Variants in PCDHGA12 observed in about 807,000 individuals in gnomAD.
The protein encoded by PCDHGA12 is protocadherin gamma-A12.
PCDHGA12 carries 43 observed loss-of-function variants against 61.1 expected under a neutral mutation model. That is an observed-to-expected ratio of 0.70 (90% confidence interval 0.55 to 0.91). The LOEUF is 0.91. Ranked by LOEUF, PCDHGA12 falls within the 40% of genes least tolerant of loss-of-function variation. The probability of loss-of-function intolerance (pLI) is 0.00; values close to 1 mark genes in which losing one functional copy is unlikely to be tolerated. For missense variants in PCDHGA12, 1,236 were observed against 1,227.7 expected (o/e 1.01, Z -0.10); for synonymous variants, 520 against 542.9 (o/e 0.96, Z 0.59).
intron 1 of PCDHGA12, among the ~76,000 whole-genome samples, chr5:141,492,084 G>C (rs979755390): frequency 2.0e-5 from 3 of 152,236 alleles, no homozygotes; most frequent in African/African-American, 7.2e-5. Flanking sequence ...GCTCCGGCAC[G>C]CTTCGCCGGT....
At chr5:141,457,736 T>G (rs1265562501) in intron 1 of PCDHGA12, among the ~76,000 whole-genome samples, 1 of 152,254 alleles carries the variant, frequency 6.6e-6, no homozygotes, top group African/African-American at 2.4e-5. Flanking sequence ...AGATTAGACT[T>G]TTAAAGCTGA....
At chr5:141,459,930 T>C (rs1385764489) in intron 1 of PCDHGA12, among the ~76,000 whole-genome samples, 1 of 152,176 alleles carries the variant, frequency 6.6e-6, no homozygotes, top group East Asian at 1.9e-4. Context: ...TATATCCTTG[T>C]AGCTGGGCGT....
intron 1 of PCDHGA12, among the ~76,000 whole-genome samples, chr5:141,437,434 G>T (rs183505868): frequency 2.6e-5 from 4 of 152,194 alleles, no homozygotes; most frequent in East Asian, 3.8e-4. Context: ...AGCAGCAATA[G>T]CATAGGAATG....
At chr5:141,462,203 G>T (rs544238255) in intron 1 of PCDHGA12, among the ~76,000 whole-genome samples, 2 of 152,036 alleles carry the variant, frequency 1.3e-5, no homozygotes, top group African/African-American at 4.8e-5. Flanking sequence ...CAGGTGATCC[G>T]CCTGCCTCGG....
intron 1 of PCDHGA12, among the ~76,000 whole-genome samples, chr5:141,443,008 T>C (rs2098358096): frequency 1.3e-5 from 2 of 152,220 alleles, no homozygotes; most frequent in Admixed American, 1.3e-4. Context: ...TCTAAGAATA[T>C]GACTAATGGA....
chr5:141,502,750 A>G (rs974131144), intron 2 of PCDHGA12, among the ~76,000 whole-genome samples: 3 of 151,928 alleles, frequency 2.0e-5, no homozygotes, highest in Non-Finnish European at 4.4e-5. Context: ...TTCCTTCTAC[A>G]TGTATTTGCT....
chr5:141,483,814 C>A (rs1262593892), intron 1 of PCDHGA12, among the ~76,000 whole-genome samples: 4 of 151,994 alleles, frequency 2.6e-5, no homozygotes, highest in African/African-American at 9.7e-5. Flanking sequence ...TTTTTGGCAG[C>A]CAGTGTAACC....
chr5:141,441,656 C>A, intron 1 of PCDHGA12: 1 of 247,684 alleles, frequency 4.0e-6, no homozygotes, highest in Non-Finnish European at 8.1e-6. Flanking sequence ...TCTAGGTGTC[C>A]TTGAGCGCAC....
intron 1 of PCDHGA12, among the ~76,000 whole-genome samples, chr5:141,434,490 G>A (rs566645029): frequency 2.5e-4 from 38 of 152,274 alleles, no homozygotes; most frequent in Non-Finnish European, 4.9e-4. Flanking sequence ...CACCTGGCCC[G>A]CCCAGGGCAG....
intron 2 of PCDHGA12, among the ~76,000 whole-genome samples, chr5:141,499,298 C>A (rs1239333151): frequency 6.6e-6 from 1 of 152,210 alleles, no homozygotes; most frequent in African/African-American, 2.4e-5. Context: ...ACACTACCAT[C>A]CCTCCTCTGA....
chr5:141,479,574 T>A (rs1291334449), intron 1 of PCDHGA12: 1 of 152,228 alleles, frequency 6.6e-6, no homozygotes, highest in South Asian at 2.1e-4. Context: ...GGATGACATC[T>A]GTGAATAGCC....
chr5:141,436,958 G>C (rs2097855854), intron 1 of PCDHGA12, among the ~76,000 whole-genome samples: 1 of 152,124 alleles, frequency 6.6e-6, no homozygotes, highest in Non-Finnish European at 1.5e-5. Context: ...ATCTAAACAA[G>C]GATCTTGTGA....
In PCDHGA12 at chr5:141,491,696, G is replaced by A; in HGVS notation, c.2425-3111G>A. The A allele has an allele frequency of 6.2e-7, 1 of 1,612,390 alleles. No individual in the cohort carries two copies. The highest frequency in any genetic ancestry group is 8.5e-7 in the Non-Finnish European group (1 of 1,179,286). ...CGCTCTAATACGCTGCGGGAGCGGA[G>A]CCAGGTGAGGGGCTCGGCGCCGCCC... On this transcript the variant is annotated intron_variant, in intron 1 of 3. Coordinates refer to ENST00000252085, the MANE Select transcript of PCDHGA12 (RefSeq NM_003735.3). This position sits in a 1 kb window ranked among gnomAD's most constrained non-coding sequence, Gnocchi z 6.9.
chr5:141,447,164 G>T (rs2098528799), intron 1 of PCDHGA12, among the ~76,000 whole-genome samples: 1 of 151,766 alleles, frequency 6.6e-6, no homozygotes, highest in South Asian at 2.1e-4. Context: ...GTTTAAGCGG[G>T]GTCTTGCTCT....
chr5:141,475,254 C>T (rs776471860), intron 1 of PCDHGA12, among the ~76,000 whole-genome samples: 9 of 152,208 alleles, frequency 5.9e-5, no homozygotes, highest in Admixed American at 1.3e-4. Flanking sequence ...TGCTCTACAA[C>T]TGAGATCATG....
At position 141,490,359 on chromosome 5, in the gene PCDHGA12, T is replaced by A; in HGVS notation, c.2425-4448T>A. On this transcript the variant is annotated intron_variant, in intron 1 of 3. Coordinates refer to ENST00000252085, the MANE Select transcript of PCDHGA12 (RefSeq NM_003735.3). The surrounding 1 kb of genome is among the most constrained non-coding windows in gnomAD (Gnocchi z 5.4). ...TGGGCACAGTAGTGGGGTTGTTTAA[T>A]GTGCGAGACCGGGACTCAGGTAGAA... 6.2e-7 allele frequency: 1 copy of A among 1,614,212 alleles called. No individual in the cohort carries two copies. The highest frequency in any genetic ancestry group is 8.5e-7 in the Non-Finnish European group (1 of 1,180,036).
chr5:141,498,656 G>A (rs2154592341), intron 2 of PCDHGA12, among the ~76,000 whole-genome samples: 1 of 152,336 alleles, frequency 6.6e-6, no homozygotes, highest in Non-Finnish European at 1.5e-5. Context: ...ACCTGGCCAG[G>A]TGTGGTGGCT....
intron 1 of PCDHGA12, among the ~76,000 whole-genome samples, chr5:141,488,348 C>G (rs1231687770): frequency 3.2e-4 from 49 of 152,106 alleles, no homozygotes; most frequent in Admixed American, 3.2e-3. Context: ...TAGAAACAGC[C>G]ACCCTGTGCA....
intron 1 of PCDHGA12, among the ~76,000 whole-genome samples, chr5:141,460,981 G>A (rs35435563): frequency 1.6e-4 from 20 of 121,900 alleles, no homozygotes; most frequent in African/African-American, 3.7e-4. Context: ...GTGTGTGTGT[G>A]TGTATATATA....
Sources: allele counts gnomAD v4.1 joint callset (sites outside exome capture counted in the v4.1 genomes callset), GRCh38; gene constraint gnomAD v4.1.1; non-coding constraint Gnocchi (gnomAD v3.1); transcripts MANE v1.5; gene names NCBI Gene and HGNC (gene_info 2026-07-23, HGNC 2026-07-21).